OR9Q1: variants seen among roughly 807,000 people sequenced by gnomAD.
OR9Q1 encodes olfactory receptor 9Q1.
For synonymous variants in OR9Q1, 153 were observed against 148.6 expected (o/e 1.03, Z -0.22); for missense variants, 374 against 378.8 (o/e 0.99, Z 0.11).
chr11:58,034,669 C>T (rs1853077998), intron 1 of OR9Q1, among the ~76,000 whole-genome samples: 2 of 151,662 alleles, frequency 1.3e-5, no homozygotes, highest in Admixed American at 1.3e-4. Context: ...ATACTGGGTC[C>T]CAGTGGGAAA....
At chr11:58,068,696 A>G (rs544361817) in intron 2 of OR9Q1, among the ~76,000 whole-genome samples, 4 of 152,230 alleles carry the variant, frequency 2.6e-5, no homozygotes, top group East Asian at 1.9e-4. Context: ...AGCTTTTCCA[A>G]TTTTCAAGTG....
chr11:58,056,402 T>A (rs963290502), intron 2 of OR9Q1, among the ~76,000 whole-genome samples: 3 of 152,232 alleles, frequency 2.0e-5, no homozygotes, highest in African/African-American at 7.2e-5. Context: ...GGCAAACTAC[T>A]GCCTGTAGAC....
chr11:58,154,795 A>T (rs534372327), intron 2 of OR9Q1, among the ~76,000 whole-genome samples: 1 of 152,330 alleles, frequency 6.6e-6, no homozygotes, highest in African/African-American at 2.4e-5. Flanking sequence ...CATAGTCAGC[A>T]GCTGAGCTAG....
At chr11:58,077,538 G>T (rs543566886) in intron 2 of OR9Q1, 2 of 152,290 alleles carry the variant, frequency 1.3e-5, no homozygotes, top group Admixed American at 6.5e-5. Context: ...CCCAAAGGAA[G>T]GTCATAGCAG....
intron 2 of OR9Q1, among the ~76,000 whole-genome samples, chr11:58,170,328 A>AT (rs34999731): frequency 0.24 from 36,857 of 151,370 alleles, 5,613 homozygotes; most frequent in East Asian, 0.59. Flanking sequence ...TACACATAAC[A>AT]TTTTTTTTCA....
At chr11:58,179,409 C>G in intron 2 of OR9Q1, 22 bp from the exon 3 acceptor site, 2 of 1,400,766 alleles carry the variant, frequency 1.4e-6, no homozygotes, top group Non-Finnish European at 2.0e-6. Flanking sequence ...TCCTAACTTG[C>G]TTCCCATTCT....
intron 2 of OR9Q1, among the ~76,000 whole-genome samples, chr11:58,169,418 A>C (rs1386147717): frequency 6.6e-6 from 1 of 152,128 alleles, no homozygotes; most frequent in Non-Finnish European, 1.5e-5. Flanking sequence ...TTTATTGAGC[A>C]GATATCTATC....
At chr11:58,133,190 C>T (rs1854159637) in intron 2 of OR9Q1, among the ~76,000 whole-genome samples, 1 of 152,192 alleles carries the variant, frequency 6.6e-6, no homozygotes, top group Non-Finnish European at 1.5e-5. Flanking sequence ...ACTTCAGTTT[C>T]CTCTAACATA....
intron 2 of OR9Q1, among the ~76,000 whole-genome samples, chr11:58,069,099 C>T (rs1392822745): frequency 1.3e-5 from 2 of 152,020 alleles, no homozygotes; most frequent in African/African-American, 4.8e-5. Context: ...CTGGGGGTGT[C>T]CACTCACAGG....
At position 58,179,973 on chromosome 11, in the gene OR9Q1, A is replaced by G; in HGVS notation, c.529A>G (p.Ile177Val). ...CTGTGGAACCAGTGAGATTGACTTT[A>G]TTTTCTGTGACCTCCCTCCTCTGTT... The part of the protein sequence containing the change: ...SFCGTSEIDF[I>V]FCDLPPLLKL... The change falls in exon 3 of 3, where the codon ATT becomes GTT. Residue 177 changes from isoleucine to valine, a missense_variant. Coordinates refer to ENST00000335397, the MANE Select transcript of OR9Q1 (RefSeq NM_001005212.4). 6.2e-7 allele frequency: 1 copy of G among 1,613,950 alleles called. No homozygotes were observed. The highest frequency in any genetic ancestry group is 8.5e-7 in the Non-Finnish European group (1 of 1,179,994).
At chr11:58,126,934 T>C (rs1854095706) in intron 2 of OR9Q1, among the ~76,000 whole-genome samples, 1 of 152,016 alleles carries the variant, frequency 6.6e-6, no homozygotes, top group Non-Finnish European at 1.5e-5. Flanking sequence ...TTACTATTGT[T>C]ATCTTTAATA....
At chr11:58,072,936 A>T (rs910065293) in intron 2 of OR9Q1, 1 of 165,448 alleles carries the variant, frequency 6.0e-6, no homozygotes, top group African/African-American at 2.4e-5. Context: ...GTCAAAATGT[A>T]TTAGAGAAAG....
intron 1 of OR9Q1, among the ~76,000 whole-genome samples, chr11:58,053,526 C>G (rs2119972671): frequency 6.9e-6 from 1 of 143,904 alleles, no homozygotes; most frequent in African/African-American, 2.5e-5. Flanking sequence ...TGCAGCACAC[C>G]AGCATGGCAC....
At chr11:58,092,148 A>G (rs1853690500) in intron 2 of OR9Q1, among the ~76,000 whole-genome samples, 1 of 152,070 alleles carries the variant, frequency 6.6e-6, no homozygotes, top group South Asian at 2.1e-4. Flanking sequence ...ATTTACATTT[A>G]AGGTTAATAT....
intron 2 of OR9Q1, among the ~76,000 whole-genome samples, chr11:58,083,817 T>C (rs1000542606): frequency 6.6e-6 from 1 of 151,956 alleles, no homozygotes; most frequent in Admixed American, 6.6e-5. Context: ...CACTGGTCTA[T>C]GTGTCTGGTT....
At chr11:58,104,170 C>CA (rs1387781229) in intron 2 of OR9Q1, among the ~76,000 whole-genome samples, 2 of 151,190 alleles carry the variant, frequency 1.3e-5, no homozygotes, top group African/African-American at 4.9e-5. Context: ...TATCTGAAGC[C>CA]AAAAATATGA....
intron 2 of OR9Q1, among the ~76,000 whole-genome samples, chr11:58,075,182 A>G (rs572237822): frequency 6.6e-6 from 1 of 152,288 alleles, no homozygotes; most frequent in East Asian, 1.9e-4. Flanking sequence ...CAATGATTCT[A>G]TAAATTACCT....
chr11:58,066,014 G>A (rs1246874658), intron 2 of OR9Q1, among the ~76,000 whole-genome samples: 2 of 152,082 alleles, frequency 1.3e-5, no homozygotes, highest in Non-Finnish European at 2.9e-5. Flanking sequence ...CCTGGCCAAG[G>A]GTCTCCCTGT....
chr11:58,059,366 G>A (rs569135594), intron 2 of OR9Q1, among the ~76,000 whole-genome samples: 1 of 152,174 alleles, frequency 6.6e-6, no homozygotes, highest in East Asian at 1.9e-4. Context: ...TTCCAAAGCA[G>A]CAGAAGGAAA....
Sources: gnomAD v4.1 joint callset for allele counts (sites outside exome capture counted in the v4.1 genomes callset) on GRCh38, gnomAD v4.1.1 for gene constraint, MANE v1.5 for transcripts, NCBI Gene and HGNC (gene_info 2026-07-23, HGNC 2026-07-21) for gene names.